The following RANBP3 variants were observed in gnomAD, a reference collection of about 807,000 sequenced individuals.
RANBP3 encodes the protein RAN binding protein 3, also known as ran-binding protein 3.
RANBP3 carries 14 observed loss-of-function variants against 77.3 expected under a neutral mutation model. The ratio of observed to expected loss-of-function variants is 0.18; its 90% CI spans 0.12 to 0.28. The LOEUF (loss-of-function observed/expected upper bound fraction) is 0.28. RANBP3 is among the 10% of genes least tolerant of loss of function. The probability of loss-of-function intolerance (pLI) is 1.00; values close to 1 mark genes in which losing one functional copy is unlikely to be tolerated. For missense variants in RANBP3, 586 were observed against 752.3 expected (o/e 0.78, Z 2.59); for synonymous variants, 315 against 312.4 (o/e 1.01, Z -0.09).
intron 1 of RANBP3, among the ~76,000 whole-genome samples, chr19:5,960,397 A>G (rs893187070): frequency 1.3e-5 from 2 of 152,168 alleles, no homozygotes; most frequent in Non-Finnish European, 2.9e-5. Context: ...CAGGCCTCAA[A>G]GTGACGCTAA....
chr19:5,941,824 G>T lies in RANBP3; in HGVS notation c.294C>A (p.Gly98=), dbSNP rs758520992. ...FPRELAGRSA[G]GSSPEGGEDS... is the part of the protein sequence containing the mutation. ...CTTCTCCGCCTTCAGGACTGGAGCCGCCAGCTGACCTCTGAAACAAGGAGC... is the reference window on the plus strand; with the variant it reads ...CTTCTCCGCCTTCAGGACTGGAGCCTCCAGCTGACCTCTGAAACAAGGAGC... The change falls in exon 4 of 17, where the codon GGC becomes GGA. Residue 98 remains glycine (G), a synonymous_variant. Transcript: ENST00000340578. The T allele has an allele frequency of 6.3e-5, 102 of 1,612,006 alleles. No homozygotes were observed. The highest frequency in any genetic ancestry group is 2.2e-4 in the Middle Eastern group (1 of 4,462).
At chr19:5,926,578 A>C (rs1306623837) in intron 9 of RANBP3, among the ~76,000 whole-genome samples, 1 of 152,142 alleles carries the variant, frequency 6.6e-6, no homozygotes, top group Non-Finnish European at 1.5e-5. Flanking sequence ...TCCATGGCTC[A>C]AGTTTGCCCT....
At chr19:5,937,061 A>G (rs2058075286) in intron 5 of RANBP3, among the ~76,000 whole-genome samples, 1 of 98,214 alleles carries the variant, frequency 1.0e-5, no homozygotes, top group Non-Finnish European at 1.9e-5. Context: ...GTCTCCAAAA[A>G]AAAAAAAAAA....
chr19:5,941,644 G>C lies in RANBP3; in HGVS notation c.383C>G (p.Thr128Ser). 6.2e-7 allele frequency: 1 copy of C among 1,613,670 alleles called. No individual in the cohort carries two copies. The part of the protein sequence containing the change: ...PVKRERTSSL[T>S]QFPPSQSEER... ...ACCTGACTGTGAGGGTGGGAACTGG[G>C]TTAAAGAGGATGTTCTTTCTCGCTT... Residue 128 changes from threonine to serine, a missense_variant, in exon 5 of 17, where the codon ACC becomes AGC. Physicochemically the swap from Thr to Ser is moderately conservative, Grantham distance 58. Coordinates refer to ENST00000340578, the MANE Select transcript of RANBP3 (RefSeq NM_007322.3).
intron 5 of RANBP3, among the ~76,000 whole-genome samples, chr19:5,939,592 A>G (rs1269683688): frequency 2.6e-5 from 4 of 152,170 alleles, no homozygotes; most frequent in African/African-American, 4.8e-5. Flanking sequence ...ACTGTTGACA[A>G]GGAGGTGCAG....
At chr19:5,918,095 G>T in intron 15 of RANBP3, 115 bp from the exon 16 acceptor site, 1 of 1,213,746 alleles carries the variant, frequency 8.2e-7, no homozygotes, top group Non-Finnish European at 1.1e-6. Context: ...ACAAGGCCTT[G>T]TGGGGAGGCC....
intron 12 of RANBP3, 35 bp from the exon 13 acceptor site, chr19:5,923,338 AT>A: frequency 6.3e-7 from 1 of 1,590,918 alleles, no homozygotes; most frequent in Non-Finnish European, 8.6e-7. Context: ...CTGACTGATT[AT>A]TTGGCGAGAG....
intron 4 of RANBP3, 27 bp downstream of exon 4, chr19:5,941,772 G>A: frequency 6.2e-7 from 1 of 1,612,348 alleles, no homozygotes; most frequent in Non-Finnish European, 8.5e-7. Flanking sequence ...AACTGAAGAT[G>A]GTCAAAGGTG....
intron 1 of RANBP3, among the ~76,000 whole-genome samples, chr19:5,976,804 C>CAG (rs1273843472): frequency 1.3e-5 from 2 of 152,192 alleles, no homozygotes; most frequent in Non-Finnish European, 2.9e-5. Context: ...GCTGCCTGTA[C>CAG]AGATGCCCAG....
At chr19:5,938,543 T>A (rs1197752761) in intron 5 of RANBP3, among the ~76,000 whole-genome samples, 1 of 151,608 alleles carries the variant, frequency 6.6e-6, no homozygotes, top group Non-Finnish European at 1.5e-5. Context: ...ATACAAAACA[T>A]TAGCTGGGCA....
rs138667297 is a variant in RANBP3, at chr19:5,935,886, C to T, written c.407-2407G>A. On this transcript the variant is annotated intron_variant, in intron 5 of 16. Coordinates refer to ENST00000340578, the MANE Select transcript of RANBP3 (RefSeq NM_007322.3). The stretch of plus-strand genomic sequence containing the variant: ...AAGCTGCTGAATCATGGCCAGAGCC[C>T]GACGCCTGCCACATACCCAAAGGGT... 2.0e-3 allele frequency: 877 copies of T among 446,434 alleles called. 4 individuals are homozygous for T. The highest frequency in any genetic ancestry group is 0.016 in the African/African-American group (779 of 50,080). 27.7% of individuals were successfully genotyped at this position (446,434 alleles called of 1,614,324 possible).
chr19:5,940,922 G>A lies in RANBP3; in HGVS notation c.406+699C>T, dbSNP rs569276072. Among the ~76,000 whole-genome samples, 8 of 152,316 alleles carry A rather than the reference G, an allele frequency of 5.3e-5. No individual in the cohort carries two copies. The South Asian group carries it at 6.2e-4, about 12-fold the overall frequency. On this transcript the variant is annotated intron_variant, in intron 5 of 16. Coordinates refer to ENST00000340578, the MANE Select transcript of RANBP3 (RefSeq NM_007322.3). ...GAGTGTTATATTAAGTAGTGCTGAC[G>A]GCATTATCTGCCTCAGGAACCTCTC... is the stretch of plus-strand genomic sequence containing the variant.
intron 5 of RANBP3, among the ~76,000 whole-genome samples, chr19:5,936,863 C>G (rs1410723871): frequency 6.6e-6 from 1 of 151,892 alleles, no homozygotes; most frequent in African/African-American, 2.4e-5. Context: ...CAAGCTCCTC[C>G]TTCCAGTGAA....
At position 5,941,607 on chromosome 19, in the gene RANBP3, T is replaced by C. The variant is rs758668711; in HGVS notation, c.406+14A>G. The C allele has an allele frequency of 6.2e-7, 1 of 1,601,990 alleles. No homozygotes were observed. Among genetic ancestry groups the C allele is most frequent in the Non-Finnish European group, 8.5e-7 (1 of 1,170,718 alleles). On this transcript the variant is annotated intron_variant, in intron 5 of 16. Transcript: ENST00000340578. ...ATAAACGCTTTCACCATTCCGTAAGTTTGCATATTTTACCTGACTGTGAGG... is the reference window on the plus strand; with the variant it reads ...ATAAACGCTTTCACCATTCCGTAAGCTTGCATATTTTACCTGACTGTGAGG...
In RANBP3 at chr19:5,917,260, C is replaced by A. The variant is rs1342362334; in HGVS notation, c.*350G>T. 1 of 370,596 alleles carries A rather than the reference C, an allele frequency of 2.7e-6. No homozygotes were observed. The highest frequency in any genetic ancestry group is 2.8e-5 in the South Asian group (1 of 36,010). The allele number at this position is 370,596 out of a possible 1,614,324, so 23.0% of individuals were successfully genotyped here. On this transcript the variant is annotated 3_prime_UTR_variant, in exon 17 of 17. Transcript: ENST00000340578. Reference sequence around the variant, plus strand: ...GTGTGGGTGGCGGAGAAGCCAGGGGCTCTGGCTGGACCCAGAGGCTGGCGA... The same window carrying A: ...GTGTGGGTGGCGGAGAAGCCAGGGGATCTGGCTGGACCCAGAGGCTGGCGA...
intron 12 of RANBP3, 141 bp downstream of exon 12, chr19:5,923,671 G>A (rs935134100): frequency 4.6e-6 from 3 of 659,040 alleles, no homozygotes; most frequent in Middle Eastern, 8.2e-4. Context: ...GCAAGGCAGG[G>A]CCCTGGAGCT....
intron 3 of RANBP3, among the ~76,000 whole-genome samples, chr19:5,942,465 T>G (rs541845595): frequency 2.2e-4 from 33 of 151,664 alleles, no homozygotes; most frequent in Non-Finnish European, 4.3e-4. Flanking sequence ...AGCTTTAGAG[T>G]GTGAACAACC....
At chr19:5,957,529 CCCCTCCCT>C (rs891662055) in intron 2 of RANBP3, among the ~76,000 whole-genome samples, 1 of 146,894 alleles carries the variant, frequency 6.8e-6, no homozygotes, top group Non-Finnish European at 1.5e-5. Context: ...TCTCCTCCTT[CCCCTCCCT>C]CCCTCCCTCC....
intron 5 of RANBP3, among the ~76,000 whole-genome samples, chr19:5,939,994 G>C (rs866091145): frequency 2.0e-5 from 3 of 152,272 alleles, no homozygotes; most frequent in South Asian, 2.1e-4. Flanking sequence ...CTTCACCAGG[G>C]CAACTGCTTC....
Sources: allele counts gnomAD v4.1 joint callset (sites outside exome capture counted in the v4.1 genomes callset), GRCh38; gene constraint gnomAD v4.1.1; transcripts MANE v1.5; gene names NCBI Gene and HGNC (gene_info 2026-07-23, HGNC 2026-07-21).